Variants in NCKAP1 observed in about 807,000 individuals in gnomAD.
The protein encoded by NCKAP1 is NCK associated protein 1.
Under a neutral mutation model 151.2 loss-of-function variants are expected in NCKAP1, and 21 were observed. The observed-to-expected ratio is 0.14, with a 90% CI of 0.10 to 0.20. NCKAP1 has a LOEUF of 0.20. Among genes scored for constraint, NCKAP1 ranks in the 10% least tolerant of loss-of-function variants. The probability of loss-of-function intolerance (pLI) is 1.00; values close to 1 mark genes in which losing one functional copy is unlikely to be tolerated. For missense variants in NCKAP1, 933 were observed against 1,352.1 expected (o/e 0.69, Z 4.86); for synonymous variants, 484 against 451.8 (o/e 1.07, Z -0.90).
At chr2:182,994,929 T>C (rs1031913605) in intron 7 of NCKAP1, 42 bp from the exon 8 acceptor site, 1 of 1,498,854 alleles carries the variant, frequency 6.7e-7, no homozygotes, top group African/African-American at 1.4e-5. Flanking sequence ...AAAGAAATTC[T>C]AAAAAATATT....
Position 182,935,383 on chromosome 2 carries a change from C to A in NCKAP1, c.2696-8G>T. 2 of 1,512,632 alleles carry A rather than the reference C, an allele frequency of 1.3e-6. No homozygotes were observed. The highest frequency in any genetic ancestry group is 1.8e-6 in the Non-Finnish European group (2 of 1,125,960). The allele number at this position is 1,512,632 out of a possible 1,614,324, so 93.7% of individuals were successfully genotyped here. On this transcript the variant is annotated splice_region_variant and splice_polypyrimidine_tract_variant and intron_variant, in intron 24 of 30. Transcript: ENST00000361354. ...TCAAGACACTGTCAACAGCTAAATT[C>A]AAAGAAACAGAAGGAGAAGAGAATA...
At chr2:182,996,009 A>AT (rs750254044) in intron 6 of NCKAP1, among the ~76,000 whole-genome samples, 171 bp from the exon 7 acceptor site, 20 of 152,126 alleles carry the variant, frequency 1.3e-4, no homozygotes, top group Non-Finnish European at 2.8e-4. Context: ...CTCCTCTAGA[A>AT]TTTTTTTGCT....
Position 183,008,630 on chromosome 2 carries a change from G to C in NCKAP1, c.220-5305C>G, listed in dbSNP as rs72888442. ...GTCTGGGGTGCTCTTCAACATTTCTGAGCACAGCTTACTCCCTCACCTCAC... is the reference window on the plus strand; with the variant it reads ...GTCTGGGGTGCTCTTCAACATTTCTCAGCACAGCTTACTCCCTCACCTCAC... On this transcript the variant is annotated intron_variant, in intron 2 of 30. Coordinates refer to ENST00000361354, the MANE Select transcript of NCKAP1 (RefSeq NM_013436.5). 6.6e-5 allele frequency among the ~76,000 whole-genome samples: 10 copies of C among 152,220 alleles called. No homozygotes were observed. In the East Asian group the frequency reaches 1.9e-3, roughly 29 times the overall value.
rs919917289 is a variant in NCKAP1 at position 182,912,391 on chromosome 2, CAA to C, written c.*13309_*13310del. The C allele has an allele frequency of 1.2e-4, 19 of 152,228 alleles. No individual in the cohort carries two copies. Among genetic ancestry groups the C allele is most frequent in the African/African-American group, 3.6e-4 (15 of 41,554 alleles). The allele number at this position is 152,228 out of a possible 1,614,324, so 9.4% of individuals were successfully genotyped here. On this transcript the variant is annotated 3_prime_UTR_variant, in exon 31 of 31. Transcript: ENST00000361354. ...TTTCAGCTAAAAAGCCAGCAAAGAT[CAA>C]AGAGTTTTCACATGAGCTCTCTATG...
At position 182,967,423 on chromosome 2, in the gene NCKAP1, T is replaced by C. The variant is rs76800300; in HGVS notation, c.1483-62A>G. On this transcript the variant is annotated intron_variant, in intron 15 of 30. Transcript: ENST00000361354. ...ACATAAATGACTTCGGACTTGTCAT[T>C]TTACAGGGGGAAAAGCATCACTGAA... is the stretch of plus-strand genomic sequence containing the variant. 3.1e-3 allele frequency: 4,396 copies of C among 1,410,168 alleles called. 133 individuals are homozygous for C. In the African/African-American group the frequency reaches 0.058, roughly 19 times the overall value. The allele number at this position is 1,410,168 out of a possible 1,614,324, so 87.4% of individuals were successfully genotyped here.
intron 23 of NCKAP1, among the ~76,000 whole-genome samples, chr2:182,942,400 AAAGGT>A (rs1697014529): frequency 6.6e-6 from 1 of 152,190 alleles, no homozygotes; most frequent in Admixed American, 6.5e-5. Flanking sequence ...GAAAAGCAAC[AAAGGT>A]AAGTAGTAGG....
chr2:182,929,461 A>T (rs1257370902), intron 27 of NCKAP1, among the ~76,000 whole-genome samples: 1 of 147,818 alleles, frequency 6.8e-6, no homozygotes, highest in Admixed American at 6.7e-5. Context: ...AAAAGAAGAC[A>T]GAAGAAGACA....
At position 182,983,361 on chromosome 2, in the gene NCKAP1, T is replaced by C. The variant is rs1559092985; in HGVS notation, c.1026A>G (p.Arg342=). 1 of 1,612,746 alleles carries C rather than the reference T, an allele frequency of 6.2e-7. No individual in the cohort carries two copies. Among genetic ancestry groups the C allele is most frequent in the Admixed American group, 1.7e-5 (1 of 59,996 alleles). ...VSHAGSMHRE[R]RKFLRSALKE... is the part of the protein sequence containing the mutation. The stretch of plus-strand genomic sequence containing the variant: ...TCAGTGCAGATCTTAAAAACTTGCG[T>C]CTTTCTCTGTGCATTGAACCACTAT... The change falls in exon 11 of 31, where the codon AGA becomes AGG. Residue 342 remains arginine, a synonymous_variant. Coordinates refer to ENST00000361354, the MANE Select transcript of NCKAP1 (RefSeq NM_013436.5).
At chr2:182,949,363 T>TA (rs1697169117) in intron 23 of NCKAP1, among the ~76,000 whole-genome samples, 1 of 152,216 alleles carries the variant, frequency 6.6e-6, no homozygotes, top group African/African-American at 2.4e-5. Context: ...CACCACTGAC[T>TA]AAAATGTGAG....
intron 18 of NCKAP1, among the ~76,000 whole-genome samples, chr2:182,960,073 A>C (rs1575031393): frequency 1.3e-5 from 2 of 152,316 alleles, no homozygotes; most frequent in East Asian, 3.9e-4. Flanking sequence ...TGCTCAATGA[A>C]ATAAAAGAGG....
intron 2 of NCKAP1, among the ~76,000 whole-genome samples, chr2:183,004,848 C>A (rs1355791103): frequency 6.9e-6 from 1 of 145,934 alleles, no homozygotes; most frequent in Admixed American, 7.0e-5. Context: ...CGAGCCACTG[C>A]ACTCCAGCCT....
At chr2:182,926,779 CT>C in intron 30 of NCKAP1, 36 bp downstream of exon 30, 3 of 1,403,610 alleles carry the variant, frequency 2.1e-6, no homozygotes, top group Non-Finnish European at 3.0e-6. Context: ...ACGACTGGAA[CT>C]TTTTTATTGT....
chr2:182,995,677 CA>C, intron 7 of NCKAP1, 23 bp downstream of exon 7: 1 of 1,590,162 alleles, frequency 6.3e-7, no homozygotes, highest in Non-Finnish European at 8.6e-7. Flanking sequence ...TATTTTCATT[CA>C]AAAGAGAAAA....
At chr2:182,989,941 G>A (rs1405920930) in intron 8 of NCKAP1, among the ~76,000 whole-genome samples, 2 of 151,754 alleles carry the variant, frequency 1.3e-5, no homozygotes, top group African/African-American at 4.8e-5. Flanking sequence ...AGTGAGCCGA[G>A]ATCATGCCAC....
intron 23 of NCKAP1, among the ~76,000 whole-genome samples, chr2:182,951,599 T>C (rs1391180322): frequency 7.3e-6 from 1 of 136,556 alleles, no homozygotes; most frequent in Admixed American, 8.8e-5. Flanking sequence ...ATTGTGCCAC[T>C]GTACTGCAGC....
chr2:183,037,712 C>A (rs1699130590), intron 1 of NCKAP1, among the ~76,000 whole-genome samples: 1 of 152,176 alleles, frequency 6.6e-6, no homozygotes. Context: ...CGGCTCCCAG[C>A]GGCGCCCCCA....
intron 8 of NCKAP1, among the ~76,000 whole-genome samples, chr2:182,992,303 A>C (rs962775828): frequency 2.0e-5 from 3 of 152,250 alleles, no homozygotes; most frequent in Non-Finnish European, 4.4e-5. Context: ...ACATGAAAGA[A>C]GCAAAATTCA....
At chr2:182,969,328 C>T (rs1697638907) in intron 15 of NCKAP1, among the ~76,000 whole-genome samples, 1 of 152,066 alleles carries the variant, frequency 6.6e-6, no homozygotes, top group South Asian at 2.1e-4. Flanking sequence ...GGAAATTAAA[C>T]AATATGCTCC....
At chr2:182,931,448 G>C (rs1340101327) in intron 26 of NCKAP1, among the ~76,000 whole-genome samples, 1 of 151,970 alleles carries the variant, frequency 6.6e-6, no homozygotes, top group Non-Finnish European at 1.5e-5. Context: ...TAGAAAAACT[G>C]GGAACATGGC....
Sources: gnomAD v4.1 joint callset for allele counts (sites outside exome capture counted in the v4.1 genomes callset) on GRCh38, gnomAD v4.1.1 for gene constraint, MANE v1.5 for transcripts, NCBI Gene and HGNC (gene_info 2026-07-23, HGNC 2026-07-21) for gene names.